Variants in GABRR2 observed in about 807,000 individuals in gnomAD.
GABRR2 encodes the protein gamma-aminobutyric acid receptor subunit rho-2.
GABRR2 carries 36 observed loss-of-function variants against 47.0 expected under a neutral mutation model. The ratio of observed to expected loss-of-function variants is 0.77; its 90% CI spans 0.59 to 1.01. The LOEUF (loss-of-function observed/expected upper bound fraction) is 1.01, where lower values mean the gene tolerates loss of function less well. Ranked by LOEUF, GABRR2 falls within the 50% of genes least tolerant of loss-of-function variation. The pLI, the probability that GABRR2 is intolerant of heterozygous loss-of-function variation, is 0.00. For synonymous variants in GABRR2, 204 were observed against 227.5 expected, an observed-to-expected ratio of 0.90 and a Z score of 0.93; for missense variants, 587 against 594.6, an observed-to-expected ratio of 0.99 and a Z score of 0.13.
intron 8 of GABRR2, among the ~76,000 whole-genome samples, chr6:89,259,724 G>A (rs1346764747): frequency 1.3e-5 from 2 of 151,392 alleles, no homozygotes; most frequent in South Asian, 4.2e-4. Flanking sequence ...GGCTGGTCTC[G>A]AACTCCTGAC....
chr6:89,272,527 T>A (rs908061922), intron 2 of GABRR2, among the ~76,000 whole-genome samples: 4 of 152,234 alleles, frequency 2.6e-5, no homozygotes, highest in Admixed American at 6.5e-5. Flanking sequence ...AAAATGTTTT[T>A]TGGATTTTAA....
chr6:89,291,477 C>T (rs1774438796), intron 2 of GABRR2, among the ~76,000 whole-genome samples: 2 of 152,062 alleles, frequency 1.3e-5, no homozygotes, highest in Non-Finnish European at 1.5e-5. Flanking sequence ...CCTGTCTACA[C>T]ACGCACACAC....
intron 1 of GABRR2, among the ~76,000 whole-genome samples, chr6:89,307,878 G>A (rs1260294637): frequency 7.0e-6 from 1 of 142,336 alleles, no homozygotes; most frequent in Non-Finnish European, 1.5e-5. Flanking sequence ...GTTCAATGGT[G>A]AGATCTTGGC....
chr6:89,313,593 C>T (rs9359848), intron 1 of GABRR2, among the ~76,000 whole-genome samples: 10,124 of 148,868 alleles, frequency 0.068, 955 homozygotes, highest in African/African-American at 0.22. Context: ...GATCTGTTTG[C>T]CTTCCGCTGA....
intron 8 of GABRR2, among the ~76,000 whole-genome samples, chr6:89,258,865 T>C (rs1406677688): frequency 6.8e-6 from 1 of 147,856 alleles, no homozygotes; most frequent in African/African-American, 2.5e-5. Context: ...TACATGCTTA[T>C]ATGGAGAAAA....
chr6:89,305,911 CT>C (rs1767550667), intron 1 of GABRR2, among the ~76,000 whole-genome samples: 1 of 151,882 alleles, frequency 6.6e-6, no homozygotes, highest in African/African-American at 2.4e-5. Context: ...ACAAGTTTAC[CT>C]CTATACCGAG....
At chr6:89,301,792 A>T (rs1582463148) in intron 1 of GABRR2, 1 of 820,732 alleles carries the variant, frequency 1.2e-6, no homozygotes, top group African/African-American at 1.7e-5. Flanking sequence ...TATGAGGGAG[A>T]TCCTGCACAT....
chr6:89,274,688 G>A (rs1308191430), intron 2 of GABRR2, among the ~76,000 whole-genome samples: 3 of 151,886 alleles, frequency 2.0e-5, no homozygotes, highest in Non-Finnish European at 4.4e-5. Flanking sequence ...ATAACACGGC[G>A]AAACCCTGTC....
At chr6:89,300,818 C>G (rs1767411048) in intron 1 of GABRR2, among the ~76,000 whole-genome samples, 1 of 140,172 alleles carries the variant, frequency 7.1e-6, no homozygotes, top group African/African-American at 2.6e-5. Context: ...GTACAAAGAA[C>G]TGGTACCATT....
Position 89,265,656 on chromosome 6 carries a change from G to C in GABRR2, c.846C>G (p.Ser282=), listed in dbSNP as rs1209297731. ...GCACAGCTCTGCGGTCGATCCAGAA[G>C]GACACCCAGGACAGCATGACCATCA... ...ATLMVMLSWV[S]FWIDRRAVPA... The change falls in exon 7 of 9, where the codon TCC becomes TCG. Residue 282 remains serine (S), a synonymous_variant. Coordinates refer to ENST00000402938, the MANE Select transcript of GABRR2 (RefSeq NM_002043.5). The C allele has an allele frequency of 1.2e-6, 2 of 1,614,190 alleles. No homozygotes were observed. The highest frequency in any genetic ancestry group is 1.1e-5 in the South Asian group (1 of 91,078).
chr6:89,313,363 TG>T (rs1767709803), intron 1 of GABRR2, among the ~76,000 whole-genome samples: 1 of 152,238 alleles, frequency 6.6e-6, no homozygotes, highest in South Asian at 2.1e-4. Context: ...CTAAAAGTTC[TG>T]CTGTAGAGAC....
intron 2 of GABRR2, among the ~76,000 whole-genome samples, chr6:89,287,126 C>T (rs554165728): frequency 3.9e-5 from 6 of 152,256 alleles, no homozygotes; most frequent in South Asian, 2.1e-4. Context: ...ACCAGAGGCG[C>T]GGCAACCGGG....
chr6:89,256,545 C>T lies in GABRR2; in HGVS notation c.*1125G>A, dbSNP rs1471997582. 6.6e-6 allele frequency among the ~76,000 whole-genome samples: 1 copy of T among 152,122 alleles called. No individual in the cohort carries two copies. Among genetic ancestry groups the T allele is most frequent in the East Asian group, 1.9e-4 (1 of 5,188 alleles). On this transcript the variant is annotated 3_prime_UTR_variant, in exon 9 of 9. Coordinates refer to ENST00000402938, the MANE Select transcript of GABRR2 (RefSeq NM_002043.5). ...TTTACTAGGAAGCAACCTCTATGCC[C>T]TTGGAATGTCCTGTGAGATAGAAGG... is the stretch of plus-strand genomic sequence containing the variant.
intron 8 of GABRR2, among the ~76,000 whole-genome samples, chr6:89,259,883 C>CTTTTTTTTTTTTTTTTT (rs59831214): frequency 3.0e-5 from 2 of 67,616 alleles, no homozygotes; most frequent in African/African-American, 6.0e-5. Context: ...CTCTCTCTCT[C>CTTTTTTTTTTTTTTTTT]TTTTTTTTTT....
rs2127820912 is a variant in GABRR2 at position 89,256,443 on chromosome 6, AAT to A, written c.*1225_*1226del. ...GATACTTTAAAATGTTTATTGCCTG[AAT>A]ATATAATAGTAACACCGCAATTAAC... On this transcript the variant is annotated 3_prime_UTR_variant, in exon 9 of 9. Transcript: ENST00000402938. 6.6e-6 allele frequency among the ~76,000 whole-genome samples: 1 copy of A among 152,288 alleles called. No individual in the cohort carries two copies. Among genetic ancestry groups the A allele is most frequent in the South Asian group, 2.1e-4 (1 of 4,820 alleles).
chr6:89,279,630 C>T (rs920943662), intron 2 of GABRR2, among the ~76,000 whole-genome samples: 3 of 150,916 alleles, frequency 2.0e-5, no homozygotes, highest in African/African-American at 4.9e-5. Context: ...CCTCAGGCTC[C>T]CAAAACACTG....
At position 89,255,820 on chromosome 6, in the gene GABRR2, A is replaced by G. The variant is rs1177327522; in HGVS notation, c.*1850T>C. Among the ~76,000 whole-genome samples the G allele has an allele frequency of 6.6e-6, 1 of 152,164 alleles. No individual in the cohort carries two copies. The highest frequency in any genetic ancestry group is 6.5e-5 in the Admixed American group (1 of 15,274). On this transcript the variant is annotated 3_prime_UTR_variant, in exon 9 of 9. Transcript: ENST00000402938. ...TGCCCAGCCCAGTGCAGTAGCTACTAGCAACTGTGCTTACTAAGCCCACTT... is the reference window on the plus strand; with the variant it reads ...TGCCCAGCCCAGTGCAGTAGCTACTGGCAACTGTGCTTACTAAGCCCACTT...
chr6:89,279,108 G>A (rs1015538281), intron 2 of GABRR2, among the ~76,000 whole-genome samples: 1 of 152,302 alleles, frequency 6.6e-6, no homozygotes, highest in Admixed American at 6.5e-5. Flanking sequence ...GCTGCAAGAC[G>A]AAGCCAGCTC....
chr6:89,287,406 C>T (rs758370704), intron 2 of GABRR2, among the ~76,000 whole-genome samples: 2 of 152,250 alleles, frequency 1.3e-5, no homozygotes, highest in Non-Finnish European at 2.9e-5. Flanking sequence ...AGAAGCAGTA[C>T]AAGTCTTTGC....
Sources: allele counts gnomAD v4.1 joint callset (sites outside exome capture counted in the v4.1 genomes callset), GRCh38; gene constraint gnomAD v4.1.1; transcripts MANE v1.5; gene names NCBI Gene and HGNC (gene_info 2026-07-23, HGNC 2026-07-21).